Variants in TRDN observed in about 807,000 individuals in gnomAD.
TRDN encodes triadin, also known as triadin in skeletal muscle.
TRDN carries 161 observed loss-of-function variants against 149.7 expected under a neutral mutation model. The ratio of observed to expected loss-of-function variants is 1.08; its 90% CI spans 0.95 to 1.23. The LOEUF (loss-of-function observed/expected upper bound fraction) is 1.23. Ranked by LOEUF, TRDN falls within the 50% of genes most tolerant of loss-of-function variation. TRDN has a pLI of 0.00. For missense variants in TRDN, 896 were observed against 823.5 expected, an observed-to-expected ratio of 1.09 and a Z score of -1.08; for synonymous variants, 294 against 250.5, an observed-to-expected ratio of 1.17 and a Z score of -1.64.
chr6:123,326,694 C>T (rs1209332864), intron 23 of TRDN, among the ~76,000 whole-genome samples: 2 of 151,816 alleles, frequency 1.3e-5, no homozygotes, highest in African/African-American at 4.8e-5. Flanking sequence ...AATTGTTAGT[C>T]CACATTATAA....
chr6:123,519,255 T>A (rs1337580562), intron 5 of TRDN, among the ~76,000 whole-genome samples: 1 of 152,196 alleles, frequency 6.6e-6, no homozygotes, highest in Non-Finnish European at 1.5e-5. Context: ...TGAGTTGGCA[T>A]GGGCCTGCTG....
intron 5 of TRDN, among the ~76,000 whole-genome samples, chr6:123,519,884 G>A (rs537757590): frequency 6.6e-6 from 1 of 151,758 alleles, no homozygotes; most frequent in Non-Finnish European, 1.5e-5. Flanking sequence ...TTTTTTGTTA[G>A]GTATTAGTGC....
intron 1 of TRDN, among the ~76,000 whole-genome samples, chr6:123,624,430 T>C (rs1785548455): frequency 1.3e-5 from 2 of 152,242 alleles, no homozygotes; most frequent in East Asian, 3.9e-4. Flanking sequence ...CTGTCAGAAC[T>C]ATTATTTCTA....
At chr6:123,508,998 AAAT>A (rs1779047601) in intron 7 of TRDN, among the ~76,000 whole-genome samples, 1 of 152,172 alleles carries the variant, frequency 6.6e-6, no homozygotes, top group Admixed American at 6.6e-5. Context: ...TATAAAATAA[AAAT>A]AAAAAGCATA....
intron 9 of TRDN, among the ~76,000 whole-genome samples, chr6:123,476,404 A>T (rs1777475525): frequency 9.5e-6 from 1 of 105,502 alleles, no homozygotes; most frequent in Non-Finnish European, 2.0e-5. Context: ...TCAATGAAAT[A>T]AAAGAGGATA....
intron 21 of TRDN, among the ~76,000 whole-genome samples, chr6:123,344,610 A>T (rs1286090171): frequency 6.6e-6 from 1 of 152,010 alleles, no homozygotes; most frequent in African/African-American, 2.4e-5. Context: ...TTGACAGCTC[A>T]TGTATTTTCC....
chr6:123,227,352 T>A (rs1775414713), intron 38 of TRDN, among the ~76,000 whole-genome samples: 1 of 151,800 alleles, frequency 6.6e-6, no homozygotes, highest in South Asian at 2.1e-4. Flanking sequence ...AATAACGATA[T>A]GTTATTTGAG....
chr6:123,562,837 CT>C (rs1353661469), intron 2 of TRDN, among the ~76,000 whole-genome samples: 6 of 152,182 alleles, frequency 3.9e-5, no homozygotes. Flanking sequence ...TTTAAAAGCA[CT>C]TTTGGTGAGC....
At position 123,269,872 on chromosome 6, in the gene TRDN, G is replaced by A. The variant is rs765467363; in HGVS notation, c.1721-6C>T. On this transcript the variant is annotated splice_region_variant and splice_polypyrimidine_tract_variant and intron_variant, in intron 30 of 40. Transcript: ENST00000334268. ...ACTTGTTGGTTTGGGCTTGGCTGTGGAGAATGGAGGCAAGCACATGGCATA... is the reference window on the plus strand; with the variant it reads ...ACTTGTTGGTTTGGGCTTGGCTGTGAAGAATGGAGGCAAGCACATGGCATA... 4 of 1,610,104 alleles carry A rather than the reference G, an allele frequency of 2.5e-6. No individual in the cohort carries two copies. The Admixed American group carries it at 5.0e-5, about 20-fold the overall frequency.
intron 38 of TRDN, among the ~76,000 whole-genome samples, chr6:123,250,087 T>C (rs1000264686): frequency 1.3e-5 from 2 of 152,072 alleles, no homozygotes; most frequent in African/African-American, 4.8e-5. Context: ...AAGAAGGTAA[T>C]TGCATTTATA....
intron 4 of TRDN, among the ~76,000 whole-genome samples, chr6:123,537,797 G>T (rs968289829): frequency 1.3e-5 from 2 of 152,164 alleles, no homozygotes; most frequent in African/African-American, 2.4e-5. Flanking sequence ...TGATTCCTGT[G>T]AATGAGCTGA....
chr6:123,306,764 G>T (rs1201991333), intron 24 of TRDN, among the ~76,000 whole-genome samples: 1 of 151,944 alleles, frequency 6.6e-6, no homozygotes, highest in African/African-American at 2.4e-5. Flanking sequence ...AGACCACCCA[G>T]TCTGCAGGTA....
chr6:123,346,756 G>C (rs927080453), intron 21 of TRDN, among the ~76,000 whole-genome samples: 2 of 151,900 alleles, frequency 1.3e-5, no homozygotes, highest in Non-Finnish European at 2.9e-5. Context: ...TTTCTACTGA[G>C]AGCTGGAAAA....
chr6:123,586,127 G>A (rs2114601276), intron 1 of TRDN, among the ~76,000 whole-genome samples: 1 of 152,256 alleles, frequency 6.6e-6, no homozygotes, highest in African/African-American at 2.4e-5. Flanking sequence ...AATGCTCACT[G>A]ATTTGGGAGA....
intron 1 of TRDN, among the ~76,000 whole-genome samples, chr6:123,584,095 G>GCCATTTCCCC (rs1783284816): frequency 1.3e-5 from 2 of 151,966 alleles, no homozygotes; most frequent in Non-Finnish European, 2.9e-5. Flanking sequence ...GAAATATGGG[G>GCCATTTCCCC]AAATGGGGTG....
chr6:123,275,717 G>A (rs1239135003), intron 26 of TRDN, among the ~76,000 whole-genome samples: 2 of 152,078 alleles, frequency 1.3e-5, no homozygotes, highest in Non-Finnish European at 2.9e-5. Flanking sequence ...AGCCTAGATT[G>A]CTTTGAAGAG....
At chr6:123,598,978 T>C in intron 1 of TRDN, among the ~76,000 whole-genome samples, 1 of 152,082 alleles carries the variant, frequency 6.6e-6, no homozygotes, top group Non-Finnish European at 1.5e-5. Context: ...GTTTGAATCC[T>C]AACTTTGTAC....
chr6:123,307,254 A>C (rs1225564378), intron 24 of TRDN, among the ~76,000 whole-genome samples: 2 of 152,046 alleles, frequency 1.3e-5, no homozygotes, highest in Non-Finnish European at 2.9e-5. Context: ...TATTCCCACA[A>C]AACTCTGGGG....
At chr6:123,269,917 G>GA in intron 30 of TRDN, 51 bp from the exon 31 acceptor site, 1 of 1,558,632 alleles carries the variant, frequency 6.4e-7, no homozygotes, top group South Asian at 1.2e-5. Context: ...ACAAACCATG[G>GA]AAAAAATAAC....
Sources: allele counts gnomAD v4.1 joint callset (sites outside exome capture counted in the v4.1 genomes callset), GRCh38; gene constraint gnomAD v4.1.1; transcripts MANE v1.5; gene names NCBI Gene and HGNC (gene_info 2026-07-23, HGNC 2026-07-21).